The following CFAP57 variants were observed in gnomAD, a reference collection of about 807,000 sequenced individuals.
CFAP57 encodes cilia- and flagella-associated protein 57.
CFAP57 carries 116 observed loss-of-function variants against 146.8 expected under a neutral mutation model. That is an observed-to-expected ratio of 0.79 (90% CI 0.68 to 0.92). The LOEUF is 0.92. Among genes scored for constraint, CFAP57 ranks in the 40% least tolerant of loss-of-function variants. The pLI is 0.00. For synonymous variants in CFAP57, 518 were observed against 552.8 expected, an observed-to-expected ratio of 0.94 and a Z score of 0.88; for missense variants, 1,377 against 1,527.2, an observed-to-expected ratio of 0.90 and a Z score of 1.64.
At chr1:43,236,908 C>T (rs1199394288) in intron 21 of CFAP57, among the ~76,000 whole-genome samples, 2 of 86,702 alleles carry the variant, frequency 2.3e-5, no homozygotes, top group Non-Finnish European at 4.2e-5. Context: ...GACTCCATCC[C>T]CCCCCAAAAA....
At chr1:43,199,653 A>G (rs1644030235) in intron 9 of CFAP57, 150 bp downstream of exon 9, 3 of 712,796 alleles carry the variant, frequency 4.2e-6, no homozygotes, top group Non-Finnish European at 7.4e-6. Context: ...ACAAATGCAC[A>G]GACAAATGTA....
chr1:43,222,381 GC>G, intron 15 of CFAP57, 86 bp downstream of exon 15: 1 of 1,233,320 alleles, frequency 8.1e-7, no homozygotes, highest in Non-Finnish European at 1.1e-6. Flanking sequence ...GCCACTGTAT[GC>G]CAGGATGTGT....
chr1:43,174,998 A>G (rs965060529), intron 2 of CFAP57, among the ~76,000 whole-genome samples: 6 of 152,198 alleles, frequency 3.9e-5, no homozygotes, highest in African/African-American at 1.2e-4. Flanking sequence ...ATGTATTAAT[A>G]AATTCTCCCA....
chr1:43,243,156 A>G, intron 21 of CFAP57, 71 bp from the exon 22 acceptor site: 2 of 1,512,986 alleles, frequency 1.3e-6, no homozygotes, highest in Non-Finnish European at 8.9e-7. Flanking sequence ...CACTCAGCCC[A>G]GGAGGGTATG....
intron 2 of CFAP57, chr1:43,177,201 C>A: frequency 2.2e-6 from 1 of 456,306 alleles, no homozygotes. Flanking sequence ...GGGATGATTG[C>A]TGTAATTCAG....
chr1:43,210,103 G>T, intron 11 of CFAP57, 187 bp downstream of exon 11: 7 of 1,612,764 alleles, frequency 4.3e-6, no homozygotes, highest in Non-Finnish European at 5.1e-6. Context: ...CAGGAATTTA[G>T]CCTAGGAAAT....
chr1:43,251,613 A>T (rs1646328178), intron 22 of CFAP57, among the ~76,000 whole-genome samples: 1 of 152,280 alleles, frequency 6.6e-6, no homozygotes, highest in South Asian at 2.1e-4. Context: ...CACAAATGAA[A>T]AAACAAAGCA....
chr1:43,208,830 A>T lies in CFAP57; in HGVS notation c.1756-913A>T, dbSNP rs1168529291. Among the ~76,000 whole-genome samples, 3 of 151,194 alleles carry T rather than the reference A, an allele frequency of 2.0e-5. No homozygotes were observed. The Admixed American group carries it at 2.0e-4, about 10-fold the overall frequency. ...TAAAAGAAAAAAAAAATATGTGTGT[A>T]GGTGGGTGGGTGAATGAGTGCATGA... On this transcript the variant is annotated intron_variant, in intron 10 of 22. Coordinates refer to ENST00000372492, the MANE Select transcript of CFAP57 (RefSeq NM_001378189.1).
chr1:43,185,821 G>A (rs1643032019), intron 5 of CFAP57, among the ~76,000 whole-genome samples: 2 of 152,226 alleles, frequency 1.3e-5, no homozygotes, highest in South Asian at 4.2e-4. Flanking sequence ...GAGAGGCTGA[G>A]GCAGGAGAAT....
intron 21 of CFAP57, among the ~76,000 whole-genome samples, chr1:43,235,104 A>G (rs1645637220): frequency 6.6e-6 from 1 of 150,628 alleles, no homozygotes; most frequent in African/African-American, 2.4e-5. Context: ...TCTGCTACCC[A>G]TATCTCGTGG....
At position 43,172,889 on chromosome 1, in the gene CFAP57, A is replaced by C. The variant is rs780375320; in HGVS notation, c.136A>C (p.Lys46Gln). 12 of 1,614,080 alleles carry C rather than the reference A, an allele frequency of 7.4e-6. No homozygotes were observed. The highest frequency in any genetic ancestry group is 1.0e-5 in the Non-Finnish European group (12 of 1,180,020). The change falls in exon 2 of 23, where the codon AAA (lysine) becomes CAA (glutamine). Residue 46 changes from lysine to glutamine, a missense_variant. By Grantham distance (53) the Lys-to-Gln change is moderately conservative (BLOSUM62 1). Coordinates refer to ENST00000372492, the MANE Select transcript of CFAP57 (RefSeq NM_001378189.1). ...NHCVKYNVDQ[K>Q]WQKFIPGSEK... ...CTGTGTGAAGTACAATGTGGATCAG[A>C]AATGGCAAAAATTCATTCCAGGTAA... is the stretch of plus-strand genomic sequence containing the variant.
At chr1:43,218,647 G>A (rs1013381533) in intron 12 of CFAP57, among the ~76,000 whole-genome samples, 8 of 151,766 alleles carry the variant, frequency 5.3e-5, no homozygotes, top group African/African-American at 1.9e-4. Context: ...GAAGATACTA[G>A]GCATAAAAAC....
intron 22 of CFAP57, among the ~76,000 whole-genome samples, chr1:43,249,261 AATTTTAAG>A (rs1646239803): frequency 6.6e-6 from 1 of 151,888 alleles, no homozygotes; most frequent in African/African-American, 2.4e-5. Flanking sequence ...CATCAAAAAT[AATTTTAAG>A]ATTTTAAGTT....
At chr1:43,191,051 T>G (rs1025753041) in intron 6 of CFAP57, among the ~76,000 whole-genome samples, 3 of 152,210 alleles carry the variant, frequency 2.0e-5, no homozygotes, top group African/African-American at 7.2e-5. Context: ...TTAATTCTTC[T>G]TTAAGTGTTT....
rs1166949564 is a variant in CFAP57 at position 43,238,640 on chromosome 1, ACCTCGGGACC to A, written c.3405+4009_3405+4018del. On this transcript the variant is annotated intron_variant, in intron 21 of 22. Transcript: ENST00000372492. The surrounding 1 kb of genome is among the most constrained non-coding windows in gnomAD (Gnocchi z 4.3). ...AGCAAAAACGGTCGACCTCAATGTG[ACCTCGGGACC>A]CCTCGGAACACAGGCCACCCCAGAA... 6.6e-6 allele frequency among the ~76,000 whole-genome samples: 1 copy of A among 152,064 alleles called. No individual in the cohort carries two copies.
intron 2 of CFAP57, among the ~76,000 whole-genome samples, chr1:43,176,258 C>T (rs1414995731): frequency 6.6e-6 from 1 of 152,144 alleles, no homozygotes; most frequent in African/African-American, 2.4e-5. Flanking sequence ...GCAACGTGAT[C>T]TAGAAGAGGC....
rs563584158 is a variant in CFAP57 at position 43,217,789 on chromosome 1, T to G, written c.2092-1593T>G. Among the ~76,000 whole-genome samples the G allele has an allele frequency of 1.5e-4, 23 of 152,262 alleles. 1 individual carries two copies. The highest frequency in any genetic ancestry group is 5.5e-4 in the African/African-American group (23 of 41,550). On this transcript the variant is annotated intron_variant, in intron 12 of 22. Transcript: ENST00000372492. ...TCTAGTCCGTGCTGCGTACCGCCAT[T>G]GGAGAGATCTTTATAACACCAAAGT...
chr1:43,247,069 C>CA (rs1184094832), intron 22 of CFAP57, among the ~76,000 whole-genome samples: 1 of 152,204 alleles, frequency 6.6e-6, no homozygotes, highest in African/African-American at 2.4e-5. Flanking sequence ...AAACACCACT[C>CA]AAACAGTTCC....
Position 43,209,763 on chromosome 1 carries a change from G to A in CFAP57, c.1776G>A (p.Ala592=), listed in dbSNP as rs757401013. ...CTCAGATCCTTCGAGAGATATCGGCGTTTGATGTCACCTACACCGCCATTG... is the reference window on the plus strand; with the variant it reads ...CTCAGATCCTTCGAGAGATATCGGCATTTGATGTCACCTACACCGCCATTG... The part of the protein sequence containing the change: ...ADSLILREIS[A]FDVTYTAIVI... Residue 592 remains alanine, a synonymous_variant, in exon 11 of 23, where the codon GCG becomes GCA. Transcript: ENST00000372492. The A allele has an allele frequency of 1.8e-5, 29 of 1,614,032 alleles. No individual in the cohort carries two copies. The highest frequency in any genetic ancestry group is 1.5e-4 in the African/African-American group (11 of 74,920).
Sources: allele counts gnomAD v4.1 joint callset (sites outside exome capture counted in the v4.1 genomes callset), GRCh38; gene constraint gnomAD v4.1.1; non-coding constraint Gnocchi (gnomAD v3.1); transcripts MANE v1.5; gene names NCBI Gene and HGNC (gene_info 2026-07-23, HGNC 2026-07-21).